The following SLC60A1 variants were observed in gnomAD, a reference collection of about 807,000 sequenced individuals.
The protein encoded by SLC60A1 is major facilitator superfamily domain containing 4.
chr1:205,575,694 C>G, the SLC60A1 span, among the ~76,000 whole-genome samples: 1 of 152,168 alleles, frequency 6.6e-6, no homozygotes, highest in African/African-American at 2.4e-5. Context: ...CACAGCTCAC[C>G]TGGGGGAGAA....
At chr1:205,584,884 G>A in the SLC60A1 span, 4 of 1,613,900 alleles carry the variant, frequency 2.5e-6, no homozygotes, top group Non-Finnish European at 3.4e-6. Flanking sequence ...AGGGCATGAG[G>A]ACCTGTTCAG....
chr1:205,592,257 G>C, the SLC60A1 span: 1 of 1,613,996 alleles, frequency 6.2e-7, no homozygotes, highest in Non-Finnish European at 8.5e-7. Flanking sequence ...CAGCATGCTG[G>C]CCTACACGGA....
At chr1:205,579,561 A>C in the SLC60A1 span, 1 of 631,940 alleles carries the variant, frequency 1.6e-6, no homozygotes, top group East Asian at 2.7e-5. Context: ...CTTGTGAGGT[A>C]GATTGTTATC....
At chr1:205,570,249 C>G in the SLC60A1 span, among the ~76,000 whole-genome samples, 1 of 152,348 alleles carries the variant, frequency 6.6e-6, no homozygotes, top group South Asian at 2.1e-4. Context: ...GCATGGAAAA[C>G]AGAGACCCAT....
the SLC60A1 span, chr1:205,585,037 C>T: frequency 3.3e-6 from 5 of 1,502,108 alleles, no homozygotes; most frequent in South Asian, 3.4e-5. This position sits in a 1 kb window ranked among gnomAD's most constrained non-coding sequence, Gnocchi z 4.2. Flanking sequence ...ACCCTTCACC[C>T]CCAGACTCCA....
At chr1:205,592,945 T>G in the SLC60A1 span, among the ~76,000 whole-genome samples, 2 of 152,178 alleles carry the variant, frequency 1.3e-5, no homozygotes. Flanking sequence ...GCCTGCCTTG[T>G]GGCTGTGGTG....
chr1:205,572,690 G>C, the SLC60A1 span, among the ~76,000 whole-genome samples: 2 of 152,114 alleles, frequency 1.3e-5, no homozygotes, highest in African/African-American at 4.8e-5. Context: ...GAAAGCCTCT[G>C]CCTCTCCCTC....
the SLC60A1 span, chr1:205,601,971 A>G: frequency 6.6e-6 from 1 of 152,206 alleles, no homozygotes; most frequent in African/African-American, 2.4e-5. Context: ...CTACTGAACA[A>G]TTCAAGCTGT....
At chr1:205,599,148 C>T in the SLC60A1 span, 1 of 1,614,162 alleles carries the variant, frequency 6.2e-7, no homozygotes, top group South Asian at 1.1e-5. Flanking sequence ...AGGCTCAGGG[C>T]AGCTATAGTT....
At chr1:205,599,319 G>GGTCT in the SLC60A1 span, 1 of 1,585,156 alleles carries the variant, frequency 6.3e-7, no homozygotes, top group Non-Finnish European at 8.6e-7. Context: ...CGGGGGAGCA[G>GGTCT]GAGATGCTAT....
At chr1:205,571,254 C>T in the SLC60A1 span, among the ~76,000 whole-genome samples, 2 of 152,218 alleles carry the variant, frequency 1.3e-5, no homozygotes, top group Non-Finnish European at 2.9e-5. Flanking sequence ...ACTTGGCCCA[C>T]ATCACATGGT....
the SLC60A1 span, among the ~76,000 whole-genome samples, chr1:205,571,011 G>A: frequency 6.6e-6 from 1 of 152,166 alleles, no homozygotes; most frequent in South Asian, 2.1e-4. Context: ...TTACCCAACA[G>A]GGGGCTCTGA....
At chr1:205,584,786 C>A in the SLC60A1 span, 2 of 1,146,652 alleles carry the variant, frequency 1.7e-6, no homozygotes, top group Non-Finnish European at 2.6e-6. Context: ...TCCTGCAGGG[C>A]TCTTCTGACT....
At chr1:205,576,562 C>T in the SLC60A1 span, among the ~76,000 whole-genome samples, 1 of 152,208 alleles carries the variant, frequency 6.6e-6, no homozygotes, top group African/African-American at 2.4e-5. Flanking sequence ...AGATCGCACT[C>T]CATCCTGGAT....
At chr1:205,569,111 C>A in the SLC60A1 span, 1 of 1,521,128 alleles carries the variant, frequency 6.6e-7, no homozygotes, top group Non-Finnish European at 8.8e-7. Context: ...TCCGCCGCAA[C>A]CTGCAGCCCA....
At chr1:205,584,032 G>C in the SLC60A1 span, 1 of 1,614,024 alleles carries the variant, frequency 6.2e-7, no homozygotes, top group Non-Finnish European at 8.5e-7. Flanking sequence ...GGAGGCCCCT[G>C]CTTCTGTCTG....
the SLC60A1 span, among the ~76,000 whole-genome samples, chr1:205,574,715 CG>C: frequency 6.6e-6 from 1 of 152,056 alleles, no homozygotes; most frequent in Non-Finnish European, 1.5e-5. Flanking sequence ...GACTCTTGCG[CG>C]ACAGGAGAGA....
At chr1:205,580,624 C>T in the SLC60A1 span, 1 of 1,590,996 alleles carries the variant, frequency 6.3e-7, no homozygotes, top group Non-Finnish European at 8.6e-7. The surrounding 1 kb of genome is among the most constrained non-coding windows in gnomAD (Gnocchi z 5.0). Context: ...TGAAGACTGA[C>T]CCCCACCCCC....
the SLC60A1 span, among the ~76,000 whole-genome samples, chr1:205,591,504 GAAAGA>G: frequency 1.4e-4 from 10 of 71,774 alleles, no homozygotes; most frequent in South Asian, 1.5e-3. Context: ...AAAAAAAAAG[GAAAGA>G]AAAGAAAGAT....
Sources: allele counts gnomAD v4.1 joint callset (sites outside exome capture counted in the v4.1 genomes callset), GRCh38; gene constraint gnomAD v4.1.1; non-coding constraint Gnocchi (gnomAD v3.1); transcripts MANE v1.5; gene names NCBI Gene and HGNC (gene_info 2026-07-23, HGNC 2026-07-21).